Variants in OR51B5 observed in about 807,000 individuals in gnomAD.
The protein encoded by OR51B5 is olfactory receptor family 51 subfamily B member 5, also known as olfactory receptor 51B5.
For synonymous variants in OR51B5, 186 were observed against 144.8 expected (o/e 1.28, Z -2.04); for missense variants, 456 against 374.6 (o/e 1.22, Z -1.79).
At chr11:5,440,557 C>T (rs373529336) in intron 1 of OR51B5, 11 of 1,598,588 alleles carry the variant, frequency 6.9e-6, no homozygotes, top group African/African-American at 1.3e-5. Context: ...GCTTTTGGGG[C>T]CTTCAGCCTT....
chr11:5,465,910 T>G (rs1009326629), intron 1 of OR51B5, among the ~76,000 whole-genome samples: 3 of 151,472 alleles, frequency 2.0e-5, no homozygotes, highest in African/African-American at 7.3e-5. Flanking sequence ...AAGGACTTCA[T>G]GTCCAAAACA....
intron 1 of OR51B5, chr11:5,456,307 A>G (rs1421151715): frequency 6.6e-6 from 1 of 152,164 alleles, no homozygotes; most frequent in Non-Finnish European, 1.5e-5. Flanking sequence ...AGCATTAATT[A>G]AAAGAGCTAC....
chr11:5,348,902 G>A (rs886777846), intron 1 of OR51B5, among the ~76,000 whole-genome samples: 1 of 152,094 alleles, frequency 6.6e-6, no homozygotes, highest in Non-Finnish European at 1.5e-5. Context: ...AAAGGATGGA[G>A]ATACTAAGTG....
intron 1 of OR51B5, among the ~76,000 whole-genome samples, chr11:5,435,917 A>AT (rs1297436810): frequency 6.6e-6 from 1 of 152,170 alleles, no homozygotes; most frequent in Non-Finnish European, 1.5e-5. Context: ...TTCCTGTCAG[A>AT]TTTTGAGCTC....
At position 5,451,792 on chromosome 11, in the gene OR51B5, G is replaced by T. The variant is rs909430834; in HGVS notation, n.84+53777C>A. ...AGAGGAAAGAGAAAGGAAAAACAGC[G>T]GTATGTAATTCTGGGGTCCTTCTCT... On this transcript the variant is annotated intron_variant and non_coding_transcript_variant, in intron 1 of 4. Coordinates refer to the OR51B5 transcript ENST00000415970. 5.9e-5 allele frequency among the ~76,000 whole-genome samples: 9 copies of T among 152,212 alleles called. No individual in the cohort carries two copies. In the South Asian group the frequency reaches 1.9e-3, roughly 32 times the overall value.
At chr11:5,372,158 G>C (rs1849457576) in intron 1 of OR51B5, among the ~76,000 whole-genome samples, 1 of 151,964 alleles carries the variant, frequency 6.6e-6, no homozygotes, top group South Asian at 2.1e-4. Flanking sequence ...GTCTTTATCT[G>C]TTCATCTATA....
At chr11:5,493,499 G>A (rs564419071) in intron 1 of OR51B5, among the ~76,000 whole-genome samples, 2 of 152,100 alleles carry the variant, frequency 1.3e-5, no homozygotes, top group Non-Finnish European at 2.9e-5. Context: ...GCTGAGACAT[G>A]AGAAATCATA....
At chr11:5,386,024 C>T (rs1849690344) in intron 1 of OR51B5, among the ~76,000 whole-genome samples, 1 of 151,440 alleles carries the variant, frequency 6.6e-6, no homozygotes, top group African/African-American at 2.4e-5. Flanking sequence ...TAGTACATTA[C>T]AGGTACTACG....
chr11:5,438,423 A>C (rs943067244), intron 1 of OR51B5, among the ~76,000 whole-genome samples: 2 of 151,800 alleles, frequency 1.3e-5, no homozygotes, highest in Non-Finnish European at 2.9e-5. Context: ...AGATCTCTGA[A>C]TTCCGAGCTT....
At chr11:5,388,520 T>C (rs11037178) in intron 1 of OR51B5, among the ~76,000 whole-genome samples, 18,680 of 147,890 alleles carry the variant, frequency 0.13, 1,304 homozygotes, top group Non-Finnish European at 0.16. Flanking sequence ...CCAGGAAGAA[T>C]GAAAATACAA....
At chr11:5,378,337 A>C (rs1459637032) in intron 1 of OR51B5, among the ~76,000 whole-genome samples, 1 of 152,094 alleles carries the variant, frequency 6.6e-6, no homozygotes, top group Non-Finnish European at 1.5e-5. Context: ...CTTAAACATT[A>C]GACCTAAAAC....
intron 1 of OR51B5, among the ~76,000 whole-genome samples, chr11:5,394,373 T>G (rs954168935): frequency 1.2e-4 from 19 of 152,268 alleles, no homozygotes; most frequent in African/African-American, 4.6e-4. Context: ...TATGCTCCAC[T>G]GATTCAACAA....
intron 1 of OR51B5, among the ~76,000 whole-genome samples, chr11:5,387,730 G>A (rs1321548930): frequency 6.0e-5 from 3 of 50,368 alleles, no homozygotes; most frequent in African/African-American, 1.2e-4. Flanking sequence ...CTCCTTCCTT[G>A]AATGTTTTTC....
At chr11:5,454,463 C>T (rs764714130) in intron 1 of OR51B5, 1 of 1,493,808 alleles carries the variant, frequency 6.7e-7, no homozygotes, top group East Asian at 2.3e-5. Flanking sequence ...TTATTTTGGC[C>T]ATAGGCTCTC....
intron 1 of OR51B5, among the ~76,000 whole-genome samples, chr11:5,371,341 G>T (rs1250998415): frequency 6.6e-6 from 1 of 151,960 alleles, no homozygotes; most frequent in Non-Finnish European, 1.5e-5. Context: ...ATTCTCTGTG[G>T]CTCATAAACA....
exon 1 of OR51B5, chr11:5,342,746 T>G: frequency 6.2e-7 from 1 of 1,613,822 alleles, no homozygotes; most frequent in South Asian, 1.1e-5. Flanking sequence ...TCCAAAACGA[T>G]GAATCAGAGA....
intron 1 of OR51B5, among the ~76,000 whole-genome samples, chr11:5,426,818 G>A (rs2736581): frequency 0.25 from 38,303 of 151,854 alleles, 5,184 homozygotes; most frequent in African/African-American, 0.35. Flanking sequence ...AGAAAAAAAT[G>A]CAATTATCTT....
intron 1 of OR51B5, among the ~76,000 whole-genome samples, chr11:5,502,821 G>T (rs1179642615): frequency 6.6e-5 from 10 of 152,180 alleles, no homozygotes; most frequent in Admixed American, 5.9e-4. Context: ...AGTTTTCCGT[G>T]AGATCTCTTT....
intron 1 of OR51B5, chr11:5,453,874 C>G (rs1467016011): frequency 1.2e-6 from 2 of 1,614,206 alleles, no homozygotes; most frequent in Non-Finnish European, 1.7e-6. Flanking sequence ...ATTTGTGACC[C>G]CTTGCGCTAT....
Sources: allele counts gnomAD v4.1 joint callset (sites outside exome capture counted in the v4.1 genomes callset), GRCh38; gene constraint gnomAD v4.1.1; transcripts MANE v1.5; gene names NCBI Gene and HGNC (gene_info 2026-07-23, HGNC 2026-07-21).